Variants in DSCAM observed in about 807,000 individuals in gnomAD.
DSCAM encodes cell adhesion molecule DSCAM.
A neutral mutation model predicts 217.7 loss-of-function variants in DSCAM; 47 were observed. That is an observed-to-expected ratio of 0.22 (90% CI 0.17 to 0.28). The LOEUF (loss-of-function observed/expected upper bound fraction) is 0.28, where lower values mean the gene tolerates loss of function less well. DSCAM is among the 10% of genes least tolerant of loss of function. DSCAM has a pLI of 1.00. For missense variants in DSCAM, 2,080 were observed against 2,618.3 expected (o/e 0.79, Z 4.49); for synonymous variants, 1,056 against 1,015.3 (o/e 1.04, Z -0.76).
At chr21:40,254,680 G>T (rs1041729383) in intron 11 of DSCAM, among the ~76,000 whole-genome samples, 4 of 152,144 alleles carry the variant, frequency 2.6e-5, no homozygotes, top group African/African-American at 9.7e-5. Flanking sequence ...TGCAGGATCA[G>T]CTGGGCCCTG....
chr21:40,254,131 C>T (rs761318653), intron 11 of DSCAM, among the ~76,000 whole-genome samples: 4 of 152,140 alleles, frequency 2.6e-5, no homozygotes, highest in Non-Finnish European at 5.9e-5. Context: ...ATATTGAAGG[C>T]TGTTTTCCAT....
At chr21:40,248,397 G>T (rs1054320633) in intron 11 of DSCAM, among the ~76,000 whole-genome samples, 3 of 152,228 alleles carry the variant, frequency 2.0e-5, no homozygotes, top group African/African-American at 7.2e-5. Context: ...TGAATGCTTT[G>T]CTGCTTAGAA....
intron 11 of DSCAM, among the ~76,000 whole-genome samples, chr21:40,270,031 T>C (rs762633859): frequency 3.9e-5 from 6 of 152,156 alleles, no homozygotes; most frequent in Non-Finnish European, 8.8e-5. Context: ...GACCCTCCTG[T>C]TTTACAAATT....
intron 3 of DSCAM, among the ~76,000 whole-genome samples, chr21:40,562,875 C>T (rs2076731249): frequency 6.6e-6 from 1 of 152,152 alleles, no homozygotes; most frequent in Non-Finnish European, 1.5e-5. Flanking sequence ...ACAGAAAGGG[C>T]AGCAATACGT....
chr21:40,246,708 G>T (rs1351549653), intron 11 of DSCAM, among the ~76,000 whole-genome samples: 2 of 152,144 alleles, frequency 1.3e-5, no homozygotes, highest in African/African-American at 4.8e-5. Flanking sequence ...TGGATAGCCT[G>T]GAGAGGGCCC....
chr21:40,456,787 G>A (rs1029742563), intron 3 of DSCAM, among the ~76,000 whole-genome samples: 7 of 152,004 alleles, frequency 4.6e-5, no homozygotes, highest in Admixed American at 1.3e-4. Flanking sequence ...TACAATCCAG[G>A]TAATGGTTAA....
chr21:40,500,369 T>A (rs1362536906), intron 3 of DSCAM, among the ~76,000 whole-genome samples: 1 of 152,180 alleles, frequency 6.6e-6, no homozygotes, highest in Non-Finnish European at 1.5e-5. Context: ...CTTTATGTCT[T>A]TCAACTGATT....
intron 3 of DSCAM, among the ~76,000 whole-genome samples, chr21:40,587,676 T>C (rs1181241070): frequency 6.6e-6 from 1 of 152,182 alleles, no homozygotes; most frequent in East Asian, 1.9e-4. Flanking sequence ...CAGCACAAGT[T>C]TTAGCCCAAA....
In DSCAM at chr21:40,392,966, G is replaced by A. The variant is rs73229165; in HGVS notation, c.509-23721C>T. ...CAAATCAAGTACTAAAAAGATCAAT[G>A]AGCTGATACACATGTACAGAATTAT... On this transcript the variant is annotated intron_variant, in intron 3 of 32. Transcript: ENST00000400454. Among the ~76,000 whole-genome samples the A allele has an allele frequency of 4.3e-3, 658 of 152,236 alleles. 7 individuals are homozygous for A. Among genetic ancestry groups the A allele is most frequent in the Middle Eastern group, 0.027 (8 of 292 alleles).
intron 3 of DSCAM, among the ~76,000 whole-genome samples, chr21:40,460,873 T>C (rs913119646): frequency 1.4e-4 from 22 of 152,186 alleles, no homozygotes; most frequent in Non-Finnish European, 4.4e-5. Flanking sequence ...GGATAAAATA[T>C]ATACAGAGAC....
intron 3 of DSCAM, among the ~76,000 whole-genome samples, chr21:40,370,627 G>GT (rs11292031): frequency 0.017 from 2,459 of 146,326 alleles, 57 homozygotes; most frequent in African/African-American, 0.051. Context: ...ATGGTTTATG[G>GT]TTTTTTTTTT....
At chr21:40,818,715 G>A (rs1394742567) in intron 1 of DSCAM, among the ~76,000 whole-genome samples, 1 of 151,714 alleles carries the variant, frequency 6.6e-6, no homozygotes, top group Admixed American at 6.6e-5. Flanking sequence ...CATGGACACT[G>A]AGGTTAAGAA....
intron 18 of DSCAM, among the ~76,000 whole-genome samples, chr21:40,141,731 T>C (rs1471534085): frequency 6.6e-6 from 1 of 152,050 alleles, no homozygotes; most frequent in Admixed American, 6.5e-5. Flanking sequence ...CCCCCCAGGC[T>C]TGGGACAGAG....
At chr21:40,427,906 T>A (rs1470724521) in intron 3 of DSCAM, among the ~76,000 whole-genome samples, 1 of 152,222 alleles carries the variant, frequency 6.6e-6, no homozygotes, top group Admixed American at 6.5e-5. Context: ...AGCCCCATTT[T>A]TTTAAAGGGA....
chr21:40,431,145 GCAAAGATTTTCA>G (rs2075527597), intron 3 of DSCAM, among the ~76,000 whole-genome samples: 1 of 152,198 alleles, frequency 6.6e-6, no homozygotes, highest in African/African-American at 2.4e-5. Flanking sequence ...CTGATGTTAT[GCAAAGATTTTCA>G]GAAAAACTTC....
chr21:40,396,054 G>A (rs2075175872), intron 3 of DSCAM, among the ~76,000 whole-genome samples: 1 of 152,046 alleles, frequency 6.6e-6, no homozygotes, highest in African/African-American at 2.4e-5. Flanking sequence ...TCCAACTCAG[G>A]GCAGCTCATT....
chr21:40,809,139 T>C (rs1456146282), intron 1 of DSCAM, among the ~76,000 whole-genome samples: 1 of 151,814 alleles, frequency 6.6e-6, no homozygotes, highest in Non-Finnish European at 1.5e-5. Context: ...CTCTGGCCTG[T>C]TGGGATTGAT....
intron 11 of DSCAM, among the ~76,000 whole-genome samples, chr21:40,252,825 C>T (rs758687819): frequency 2.0e-5 from 3 of 152,184 alleles, no homozygotes; most frequent in Non-Finnish European, 4.4e-5. Flanking sequence ...GTCCCCACAA[C>T]TTCCCAACGT....
Position 40,339,222 on chromosome 21 carries a change from G to A in DSCAM, c.1404C>T (p.Tyr468=). 11 of 1,614,170 alleles carry A rather than the reference G, an allele frequency of 6.8e-6. No individual in the cohort carries two copies. In the East Asian group the frequency reaches 8.9e-5, roughly 13 times the overall value. The change falls in exon 7 of 33, where the codon TAC becomes TAT. Residue 468 remains tyrosine, a synonymous_variant. Coordinates refer to ENST00000400454, the MANE Select transcript of DSCAM (RefSeq NM_001389.5). Reference sequence around the variant, plus strand: ...GGACCTGGGAGCTGGAGATGTTCAGGTAGCTGACCACGTTCCCCTCCGACG... The same window carrying A: ...GGACCTGGGAGCTGGAGATGTTCAGATAGCTGACCACGTTCCCCTCCGACG... ...MITSEGNVVS[Y]LNISSSQVRD...
Sources: gnomAD v4.1 joint callset for allele counts (sites outside exome capture counted in the v4.1 genomes callset) on GRCh38, gnomAD v4.1.1 for gene constraint, MANE v1.5 for transcripts, NCBI Gene and HGNC (gene_info 2026-07-23, HGNC 2026-07-21) for gene names.